The following SHH variants were observed in gnomAD, a reference collection of about 807,000 sequenced individuals.
SHH encodes the protein sonic hedgehog signaling molecule.
Under a neutral mutation model 16.6 loss-of-function variants are expected in SHH, and 3 were observed. The ratio of observed to expected loss-of-function variants is 0.18; its 90% CI spans 0.08 to 0.47. The LOEUF (loss-of-function observed/expected upper bound fraction) is 0.47, where lower values mean the gene tolerates loss of function less well. Ranked by LOEUF, SHH falls within the 20% of genes least tolerant of loss-of-function variation. The probability of loss-of-function intolerance (pLI) is 0.98; values close to 1 mark genes in which losing one functional copy is unlikely to be tolerated. For missense variants in SHH, 499 were observed against 665.0 expected (o/e 0.75, Z 2.75); for synonymous variants, 351 against 316.2 (o/e 1.11, Z -1.17).
In SHH at chr7:155,802,716, A is replaced by G; in HGVS notation, c.*184T>C. 1 of 417,602 alleles carries G rather than the reference A, an allele frequency of 2.4e-6. No individual in the cohort carries two copies. The highest frequency in any genetic ancestry group is 4.1e-6 in the Non-Finnish European group (1 of 243,572). 25.9% of individuals were successfully genotyped at this position (417,602 alleles called of 1,614,324 possible). ...CAAAAAATATATATCAACTAAGCAC[A>G]ACAACAAAACTTCCCGGGGTCCTTG... On this transcript the variant is annotated 3_prime_UTR_variant, in exon 3 of 3. Coordinates refer to ENST00000297261, the MANE Select transcript of SHH (RefSeq NM_000193.4).
In SHH at chr7:155,812,131, T is replaced by A. The variant is rs753271165; in HGVS notation, c.-9A>T. 6.2e-7 allele frequency: 1 copy of A among 1,613,892 alleles called. No homozygotes were observed. Among genetic ancestry groups the A allele is most frequent in the African/African-American group, 1.3e-5 (1 of 75,068 alleles). ...CTCGCCAGCAGCAGCATCTCGCCCATGGAACTGATGACTTCCGAGCTGTCC... is the reference window on the plus strand; with the variant it reads ...CTCGCCAGCAGCAGCATCTCGCCCAAGGAACTGATGACTTCCGAGCTGTCC... On this transcript the variant is annotated 5_prime_UTR_variant, in exon 1 of 3. It removes an upstream start codon present in the reference 5' UTR. Transcript: ENST00000297261.
intron 1 of SHH, among the ~76,000 whole-genome samples, chr7:155,810,076 C>T (rs1177278118): frequency 6.6e-6 from 1 of 152,130 alleles, no homozygotes; most frequent in Admixed American, 6.5e-5. Context: ...CAGAGCCCGG[C>T]GGCTCCAGCC....
Position 155,800,778 on chromosome 7 carries a change from C to A in SHH, c.*2122G>T. ...CTGGTCACACACCCTCCACGGAAGG[C>A]CACTCAAGGGCAGACCCGTAGCAGA... On this transcript the variant is annotated 3_prime_UTR_variant, in exon 3 of 3. Transcript: ENST00000297261. 2.6e-6 allele frequency: 1 copy of A among 391,094 alleles called. No homozygotes were observed. Among genetic ancestry groups the A allele is most frequent in the Non-Finnish European group, 5.1e-6 (1 of 195,432 alleles). The allele number at this position is 391,094 out of a possible 1,614,324, so 24.2% of individuals were successfully genotyped here.
chr7:155,811,386 G>A (rs1342880117), intron 1 of SHH, among the ~76,000 whole-genome samples: 1 of 152,188 alleles, frequency 6.6e-6, no homozygotes, highest in African/African-American at 2.4e-5. Context: ...CCAAGGCTAC[G>A]TTCGTTCGTT....
At position 155,802,869 on chromosome 7, in the gene SHH, C is replaced by CCCCCCCCCCCCCCA; in HGVS notation, c.*30_*31insTGGGGGGGGGGGGG. 2 of 789,892 alleles carry CCCCCCCCCCCCCCA rather than the reference C, an allele frequency of 2.5e-6. No individual in the cohort carries two copies. The highest frequency in any genetic ancestry group is 3.4e-5 in the East Asian group (1 of 29,588). The allele number at this position is 789,892 out of a possible 1,614,324, so 48.9% of individuals were successfully genotyped here. On this transcript the variant is annotated 3_prime_UTR_variant, in exon 3 of 3. Coordinates refer to ENST00000297261, the MANE Select transcript of SHH (RefSeq NM_000193.4). ...TTGCTGTTGCTGCCCCGCCCCGCCC[C>CCCCCCCCCCCCCCA]CTCCCGCGCCCCTCCCCCGGCCCCC...
At chr7:155,805,147 C>T (rs1483927635) in intron 2 of SHH, among the ~76,000 whole-genome samples, 1 of 151,972 alleles carries the variant, frequency 6.6e-6, no homozygotes, top group Non-Finnish European at 1.5e-5. Flanking sequence ...GAGGAGGCCT[C>T]CGGAGACCCC....
At chr7:155,808,925 C>G (rs1803438703) in intron 1 of SHH, 1 of 152,316 alleles carries the variant, frequency 6.6e-6, no homozygotes, top group African/African-American at 2.4e-5. Flanking sequence ...GCCCCAGCCC[C>G]TAAACGCACC....
In SHH at chr7:155,800,693, A is replaced by G. The variant is rs1266443346; in HGVS notation, c.*2207T>C. On this transcript the variant is annotated 3_prime_UTR_variant, in exon 3 of 3. Coordinates refer to ENST00000297261, the MANE Select transcript of SHH (RefSeq NM_000193.4). ...CTAGAACACCAAAGAAAAGTCTTTT[A>G]CAGAAAAAGGCTGAGGACTGCTCCT... 4.3e-6 allele frequency: 2 copies of G among 468,006 alleles called. No individual in the cohort carries two copies. The highest frequency in any genetic ancestry group is 8.8e-6 in the Non-Finnish European group (2 of 226,574). 29.0% of individuals were successfully genotyped at this position (468,006 alleles called of 1,614,324 possible). A position where few individuals can be genotyped will look rare whatever the true frequency, so the allele number is the denominator to read the frequency against.
intron 1 of SHH, 62 bp from the exon 2 acceptor site, chr7:155,806,619 C>A (rs1803370008): frequency 6.2e-7 from 1 of 1,601,386 alleles, no homozygotes; most frequent in African/African-American, 1.3e-5. Flanking sequence ...CCACCCCTCC[C>A]GGCCCCTCCA....
At chr7:155,806,683 G>C (rs1175636504) in intron 1 of SHH, 126 bp from the exon 2 acceptor site, 1 of 1,229,530 alleles carries the variant, frequency 8.1e-7, no homozygotes, top group Non-Finnish European at 1.2e-6. Flanking sequence ...GAGGTGGGGA[G>C]ACGGGGGTTG....
chr7:155,804,690 C>A (rs1584798611), intron 2 of SHH, among the ~76,000 whole-genome samples: 1 of 152,316 alleles, frequency 6.6e-6, no homozygotes, highest in East Asian at 1.9e-4. Flanking sequence ...GGTCTCAAGG[C>A]CCCTTGACTA....
Position 155,802,970 on chromosome 7 carries a change from T to C in SHH, c.1319A>G (p.Tyr440Cys), listed in dbSNP as rs773005939. ...AGIHWYSQLL[Y>C]QIGTWLLDSE... ...GTCCAGGAGCCAGGTGCCTATTTGG[T>C]AGAGCAGCTGCGAGTACCAGTGGAT... is the stretch of plus-strand genomic sequence containing the variant. Residue 440 changes from tyrosine (Y) to cysteine (C), a missense_variant, in exon 3 of 3, where the codon TAC (tyrosine) becomes TGC (cysteine). Physicochemically the swap from Tyr to Cys is radical, Grantham distance 194 (BLOSUM62 -2). Coordinates refer to ENST00000297261, the MANE Select transcript of SHH (RefSeq NM_000193.4). 1 of 1,557,484 alleles carries C rather than the reference T, an allele frequency of 6.4e-7. No homozygotes were observed. Among genetic ancestry groups the C allele is most frequent in the Non-Finnish European group, 8.7e-7 (1 of 1,152,558 alleles).
Position 155,800,523 on chromosome 7 carries a change from C to A in SHH, c.*2377G>T, listed in dbSNP as rs1395015326. On this transcript the variant is annotated 3_prime_UTR_variant, in exon 3 of 3. Coordinates refer to ENST00000297261, the MANE Select transcript of SHH (RefSeq NM_000193.4). ...GGGCTGCACGGCCACATTGCCAGGT[C>A]TGTCTACACAGCCAGAGGAGCTGCT... is the stretch of plus-strand genomic sequence containing the variant. 2.1e-6 allele frequency: 1 copy of A among 470,406 alleles called. No homozygotes were observed. The allele number at this position is 470,406 out of a possible 1,614,324, so 29.1% of individuals were successfully genotyped here.
rs1230001673 is a variant in SHH, at chr7:155,803,658, C to T, written c.631G>A (p.Gly211Ser). 2.5e-6 allele frequency: 4 copies of T among 1,597,750 alleles called. No individual in the cohort carries two copies. The highest frequency in any genetic ancestry group is 1.7e-5 in the Admixed American group (1 of 59,894). ...CTCAGGTCCTTCACCAGCTTGGTGC[C>T]GCCCTGCTCCAGGTGCACCGTGGCC... is the stretch of plus-strand genomic sequence containing the variant. ...GSATVHLEQGGTKLVKDLSPG... is the reference protein window; with the variant it reads ...GSATVHLEQGSTKLVKDLSPG... Residue 211 changes from glycine (G) to serine (S), a missense_variant, in exon 3 of 3, where the codon GGC (glycine) becomes AGC (serine). Gly to Ser is a moderately conservative substitution (Grantham distance 56). Around this residue, in one of 4 missense-constraint regions of SHH, gnomAD observed 114 missense variants for 200.4 expected, o/e 0.57. Coordinates refer to ENST00000297261, the MANE Select transcript of SHH (RefSeq NM_000193.4).
At chr7:155,808,261 G>A (rs1803417578) in intron 1 of SHH, among the ~76,000 whole-genome samples, 1 of 152,206 alleles carries the variant, frequency 6.6e-6, no homozygotes, top group African/African-American at 2.4e-5. Context: ...GGTCAGTGTA[G>A]AGCTATGATG....
At position 155,806,637 on chromosome 7, in the gene SHH, G is replaced by T. The variant is rs966684300; in HGVS notation, c.301-80C>A. 5 of 1,570,314 alleles carry T rather than the reference G, an allele frequency of 3.2e-6. No homozygotes were observed. In the East Asian group the frequency reaches 9.0e-5, roughly 28 times the overall value. On this transcript the variant is annotated intron_variant, in intron 1 of 2. Transcript: ENST00000297261. ...CCCCTCCCGGCCCCTCCATCAGCCT[G>T]CCCTGCCCAGTCTCAAGGCGCGAGG...
chr7:155,803,447 G>A lies in SHH; in HGVS notation c.842C>T (p.Ala281Val). 1 of 1,542,650 alleles carries A rather than the reference G, an allele frequency of 6.5e-7. No homozygotes were observed. The stretch of plus-strand genomic sequence containing the variant: ...CGAGGACGCCTCGGGCTCCCCGGTG[G>A]CCGAGTCGTTGTGCGGCGCCACAAA... ...LLFVAPHNDS[A>V]TGEPEASSGS... is the part of the protein sequence containing the mutation. Residue 281 changes from alanine (A) to valine (V), a missense_variant, in exon 3 of 3, where the codon GCC becomes GTC. Ala to Val is a moderately conservative substitution (Grantham distance 64). This residue lies in a region of SHH where 299 missense variants were observed against 301.1 expected (regional missense o/e 0.99). Transcript: ENST00000297261.
At chr7:155,808,966 TG>T in intron 1 of SHH, 1 of 152,408 alleles carries the variant, frequency 6.6e-6, no homozygotes. Flanking sequence ...CCAAGCTTGG[TG>T]GAACAGCCCC....
chr7:155,808,803 G>A (rs1451788520), intron 1 of SHH, among the ~76,000 whole-genome samples: 3 of 152,302 alleles, frequency 2.0e-5, no homozygotes, highest in South Asian at 4.1e-4. Flanking sequence ...TGTTCCCCAC[G>A]CCTGAGCTCC....
Sources: gnomAD v4.1 joint callset for allele counts (sites outside exome capture counted in the v4.1 genomes callset) on GRCh38, gnomAD v4.1.1 for gene constraint, gnomAD v4.1.1 regional missense constraint, MANE v1.5 for transcripts, NCBI Gene and HGNC (gene_info 2026-07-23, HGNC 2026-07-21) for gene names.